Variants in MCHR2 observed in about 807,000 individuals in gnomAD.
The protein encoded by MCHR2 is melanin concentrating hormone receptor 2, also known as melanin-concentrating hormone receptor 2.
In MCHR2, 15 loss-of-function variants were observed where a neutral mutation model predicts 24.8. The observed-to-expected ratio is 0.60, with a 90% CI of 0.40 to 0.93. The LOEUF (loss-of-function observed/expected upper bound fraction) is 0.93. Among genes scored for constraint, MCHR2 ranks in the 40% least tolerant of loss-of-function variants. MCHR2 has a pLI of 0.00. For synonymous variants in MCHR2, 151 were observed against 147.6 expected (o/e 1.02, Z -0.17); for missense variants, 386 against 408.7 (o/e 0.94, Z 0.48).
At chr6:99,965,130 G>T (rs769039140) in intron 1 of MCHR2, among the ~76,000 whole-genome samples, 1 of 152,166 alleles carries the variant, frequency 6.6e-6, no homozygotes, top group Admixed American at 6.6e-5. Context: ...AGTGTTTTAC[G>T]TATGGTTCTG....
At chr6:99,928,962 C>T (rs1328891588) in intron 5 of MCHR2, among the ~76,000 whole-genome samples, 9 of 152,042 alleles carry the variant, frequency 5.9e-5, no homozygotes, top group Non-Finnish European at 1.3e-4. Flanking sequence ...CCTGCTTTCT[C>T]TTGTGGGCAT....
At chr6:99,967,818 T>A (rs921525624) in intron 1 of MCHR2, among the ~76,000 whole-genome samples, 2 of 152,196 alleles carry the variant, frequency 1.3e-5, no homozygotes, top group Admixed American at 1.3e-4. Context: ...ATTTTTCACC[T>A]AATCCACCCA....
At chr6:99,940,313 G>C (rs1037741132) in intron 4 of MCHR2, among the ~76,000 whole-genome samples, 1 of 151,802 alleles carries the variant, frequency 6.6e-6, no homozygotes, top group Non-Finnish European at 1.5e-5. Context: ...TTTTCAAATA[G>C]CCTGTCTTTG....
chr6:99,954,930 G>C (rs1775030773), intron 2 of MCHR2, among the ~76,000 whole-genome samples: 1 of 152,088 alleles, frequency 6.6e-6, no homozygotes, highest in Non-Finnish European at 1.5e-5. Flanking sequence ...TTTGTATTTA[G>C]ACTTGGTCCC....
chr6:99,923,438 T>C (rs1215206958), intron 5 of MCHR2, among the ~76,000 whole-genome samples: 3 of 152,122 alleles, frequency 2.0e-5, no homozygotes, highest in Non-Finnish European at 4.4e-5. Context: ...TAAATAACAG[T>C]GGTGAAAGTG....
At chr6:99,935,758 A>G (rs1774645230) in intron 4 of MCHR2, among the ~76,000 whole-genome samples, 1 of 151,798 alleles carries the variant, frequency 6.6e-6, no homozygotes, top group Admixed American at 6.6e-5. Flanking sequence ...TGGTAGTTCT[A>G]TTTTTAGTTT....
intron 4 of MCHR2, among the ~76,000 whole-genome samples, chr6:99,942,390 T>A (rs1369980181): frequency 6.6e-6 from 1 of 152,146 alleles, no homozygotes; most frequent in African/African-American, 2.4e-5. Flanking sequence ...TCACCTGTAT[T>A]CTCTTTTCTG....
chr6:99,975,222 C>T (rs1775523890), intron 1 of MCHR2, among the ~76,000 whole-genome samples: 1 of 152,216 alleles, frequency 6.6e-6, no homozygotes, highest in African/African-American at 2.4e-5. Context: ...TGGGCTCCAC[C>T]CAGTTTGAGC....
chr6:99,970,911 AT>A (rs1562131197), intron 1 of MCHR2, among the ~76,000 whole-genome samples: 3 of 152,040 alleles, frequency 2.0e-5, no homozygotes, highest in Non-Finnish European at 4.4e-5. Flanking sequence ...GTTCTGTTCC[AT>A]TGATCTATAT....
At chr6:99,988,928 G>A (rs536885302) in intron 1 of MCHR2, among the ~76,000 whole-genome samples, 3 of 152,174 alleles carry the variant, frequency 2.0e-5, no homozygotes, top group South Asian at 2.1e-4. Flanking sequence ...TATGACTAAT[G>A]TTAGCTTCTC....
chr6:99,956,301 AG>A, intron 1 of MCHR2, 127 bp from the exon 2 acceptor site: 1 of 620,606 alleles, frequency 1.6e-6, no homozygotes. Flanking sequence ...ACAGGATCCC[AG>A]GGTGAGTATG....
intron 1 of MCHR2, among the ~76,000 whole-genome samples, chr6:99,960,395 G>A (rs1052164784): frequency 6.6e-6 from 1 of 152,114 alleles, no homozygotes. Context: ...TGGTGAAAAT[G>A]GCCATACTGC....
chr6:99,951,156 G>A (rs1249820254), intron 2 of MCHR2, among the ~76,000 whole-genome samples: 2 of 152,146 alleles, frequency 1.3e-5, no homozygotes, highest in African/African-American at 2.4e-5. Flanking sequence ...TGGGGTGAGG[G>A]ATGGGATAGG....
chr6:99,985,700 A>G (rs61466874), intron 1 of MCHR2, among the ~76,000 whole-genome samples: 3,312 of 152,274 alleles, frequency 0.022, 94 homozygotes, highest in East Asian at 0.12. Context: ...ACTTAAGTGT[A>G]AGACCTGAAA....
rs535141482 is a variant in MCHR2, at chr6:99,919,801, C to T, written c.*1139G>A. 3 of 150,076 alleles carry T rather than the reference C, an allele frequency of 2.0e-5. No homozygotes were observed. The highest frequency in any genetic ancestry group is 3.9e-4 in the East Asian group (2 of 5,092). 9.3% of individuals were successfully genotyped at this position (150,076 alleles called of 1,614,324 possible). A position where few individuals can be genotyped will look rare whatever the true frequency, so the allele number is the denominator to read the frequency against. On this transcript the variant is annotated 3_prime_UTR_variant, in exon 6 of 6. Coordinates refer to ENST00000281806, the MANE Select transcript of MCHR2 (RefSeq NM_001040179.2). ...GGAGTGCAGTGGCGTGATCTCGGCT[C>T]ACTGTAACCTCCACCTCCTGGGTTC...
chr6:99,937,841 T>A (rs116327856), intron 4 of MCHR2, among the ~76,000 whole-genome samples: 1 of 151,914 alleles, frequency 6.6e-6, no homozygotes, highest in African/African-American at 2.4e-5. Context: ...TCCTGGACTT[T>A]CCTTTGATGA....
intron 1 of MCHR2, among the ~76,000 whole-genome samples, chr6:99,970,429 T>A (rs976823425): frequency 6.6e-6 from 1 of 152,238 alleles, no homozygotes; most frequent in Non-Finnish European, 1.5e-5. Context: ...CTTGTAAATT[T>A]GTTTTGAGTT....
chr6:99,966,879 T>G (rs1008408311), intron 1 of MCHR2, among the ~76,000 whole-genome samples: 1 of 152,148 alleles, frequency 6.6e-6, no homozygotes, highest in African/African-American at 2.4e-5. Flanking sequence ...AAACTCCCCC[T>G]AATTTTATAA....
At chr6:99,925,755 T>C (rs1774340830) in intron 5 of MCHR2, among the ~76,000 whole-genome samples, 3 of 151,916 alleles carry the variant, frequency 2.0e-5, no homozygotes, top group African/African-American at 7.2e-5. Context: ...TCTTATTGTA[T>C]TATCTATGTC....
Sources: gnomAD v4.1 joint callset for allele counts (sites outside exome capture counted in the v4.1 genomes callset) on GRCh38, gnomAD v4.1.1 for gene constraint, MANE v1.5 for transcripts, NCBI Gene and HGNC (gene_info 2026-07-23, HGNC 2026-07-21) for gene names.